EXOSC7: variants seen among roughly 807,000 people sequenced by gnomAD.
The protein encoded by EXOSC7 is exosome component 7.
Under a neutral mutation model 34.3 loss-of-function variants are expected in EXOSC7, and 25 were observed. The observed-to-expected ratio is 0.73, with a 90% CI of 0.53 to 1.02. EXOSC7 has a LOEUF of 1.02. EXOSC7 is among the 50% of genes least tolerant of loss of function. The pLI, the probability that EXOSC7 is intolerant of heterozygous loss-of-function variation, is 0.00. For synonymous variants in EXOSC7, 130 were observed against 143.0 expected (o/e 0.91, Z 0.65); for missense variants, 370 against 368.5 (o/e 1.00, Z -0.03).
intron 1 of EXOSC7, chr3:44,977,140 T>C (rs999551040): frequency 1.3e-5 from 2 of 152,248 alleles, no homozygotes; most frequent in African/African-American, 2.4e-5. Flanking sequence ...CTGTGTTCTA[T>C]ATTAAATCCC....
intron 4 of EXOSC7, among the ~76,000 whole-genome samples, chr3:44,998,844 A>C (rs1448044125): frequency 1.3e-5 from 2 of 152,154 alleles, no homozygotes; most frequent in Admixed American, 1.3e-4. Context: ...TGGGTTTGAG[A>C]AGGTGGGACC....
At chr3:45,003,738 C>G (rs1706950645) in intron 5 of EXOSC7, among the ~76,000 whole-genome samples, 1 of 152,198 alleles carries the variant, frequency 6.6e-6, no homozygotes. Flanking sequence ...CCAGAAGCAT[C>G]CCACACCTTC....
intron 1 of EXOSC7, among the ~76,000 whole-genome samples, chr3:44,988,847 A>G (rs940894187): frequency 6.6e-6 from 1 of 152,152 alleles, no homozygotes; most frequent in Non-Finnish European, 1.5e-5. Context: ...TGCATATTCT[A>G]TATAGTGGTA....
At chr3:45,000,333 C>T (rs1456017588) in intron 4 of EXOSC7, among the ~76,000 whole-genome samples, 9 of 152,224 alleles carry the variant, frequency 5.9e-5, no homozygotes, top group Non-Finnish European at 1.2e-4. Flanking sequence ...AACAAAACTA[C>T]AGAGTCCCAG....
chr3:45,008,904 G>A (rs536241909), intron 7 of EXOSC7, among the ~76,000 whole-genome samples: 1 of 152,338 alleles, frequency 6.6e-6, no homozygotes, highest in South Asian at 2.1e-4. Context: ...CGTACTATGT[G>A]CCAGATACTG....
chr3:44,987,671 T>G (rs1413150835), intron 1 of EXOSC7, among the ~76,000 whole-genome samples: 1 of 150,618 alleles, frequency 6.6e-6, no homozygotes, highest in African/African-American at 2.5e-5. Flanking sequence ...AACAGTATTT[T>G]GCCTGGATAC....
intron 1 of EXOSC7, among the ~76,000 whole-genome samples, chr3:44,979,947 G>A (rs1706230883): frequency 6.6e-6 from 1 of 152,080 alleles, no homozygotes. Context: ...AGCAGTATGG[G>A]GGGGGTTTCA....
intron 3 of EXOSC7, among the ~76,000 whole-genome samples, chr3:44,990,983 C>T (rs114120942): frequency 0.023 from 3,425 of 152,176 alleles, 82 homozygotes; most frequent in Middle Eastern, 0.075. Context: ...CCAGTCTGAA[C>T]TTCCATACAC....
chr3:44,998,287 C>T (rs929935119), intron 4 of EXOSC7, among the ~76,000 whole-genome samples: 10 of 152,198 alleles, frequency 6.6e-5, no homozygotes, highest in Admixed American at 5.2e-4. Flanking sequence ...CCACCTGCCT[C>T]GGCCTCCCAA....
At chr3:45,003,634 C>T (rs775259837) in intron 5 of EXOSC7, among the ~76,000 whole-genome samples, 1 of 152,114 alleles carries the variant, frequency 6.6e-6, no homozygotes, top group Non-Finnish European at 1.5e-5. Flanking sequence ...CCTCTTCCTT[C>T]CTGGCTCCTC....
At position 45,007,490 on chromosome 3, in the gene EXOSC7, C is replaced by T. The variant is rs773087468; in HGVS notation, c.686C>T (p.Ser229Leu). 1.2e-4 allele frequency: 192 copies of T among 1,613,988 alleles called. No individual in the cohort carries two copies. The highest frequency in any genetic ancestry group is 1.6e-4 in the Non-Finnish European group (185 of 1,180,008). ...TGCTCGCTGGCCAGCTTGCTGGTGT[C>T]GGTGACCAGCAAGGGAGTTGTGACG... The part of the protein sequence containing the change: ...EACSLASLLV[S>L]VTSKGVVTCM... The change falls in exon 7 of 8, where the codon TCG (serine) becomes TTG (leucine). Residue 229 changes from serine to leucine, a missense_variant. Ser to Leu is a moderately radical substitution (Grantham distance 145). Around this residue, in one of 3 missense-constraint regions of EXOSC7, gnomAD observed 255 missense variants for 246.4 expected, o/e 1.03. Coordinates refer to ENST00000265564, the MANE Select transcript of EXOSC7 (RefSeq NM_015004.4).
chr3:44,990,893 A>G (rs1026992879), intron 3 of EXOSC7, among the ~76,000 whole-genome samples: 2 of 152,244 alleles, frequency 1.3e-5, no homozygotes, highest in Non-Finnish European at 2.9e-5. Flanking sequence ...GACCCTTCTG[A>G]AAATAGCACC....
chr3:44,979,950 G>A (rs566197627), intron 1 of EXOSC7, among the ~76,000 whole-genome samples: 1 of 152,034 alleles, frequency 6.6e-6, no homozygotes. Context: ...AGTATGGGGG[G>A]GGTTTCAGGG....
intron 5 of EXOSC7, chr3:45,004,900 T>A (rs2125972449): frequency 6.1e-6 from 1 of 162,946 alleles, no homozygotes; most frequent in South Asian, 1.8e-4. Context: ...TTTTTCTCTT[T>A]CTGTATCCTG....
At chr3:44,995,041 G>A (rs1378816578) in intron 3 of EXOSC7, among the ~76,000 whole-genome samples, 1 of 152,154 alleles carries the variant, frequency 6.6e-6, no homozygotes, top group East Asian at 1.9e-4. Context: ...CTGGAGTGCA[G>A]TGGTGCGATC....
chr3:45,000,330 C>G (rs1021013105), intron 4 of EXOSC7, among the ~76,000 whole-genome samples: 17 of 152,346 alleles, frequency 1.1e-4, no homozygotes, highest in East Asian at 3.9e-4. Context: ...ATGAACAAAA[C>G]TACAGAGTCC....
chr3:44,978,087 A>G (rs2125959681), intron 1 of EXOSC7, among the ~76,000 whole-genome samples: 1 of 152,384 alleles, frequency 6.6e-6, no homozygotes, highest in South Asian at 2.1e-4. Flanking sequence ...AACAGAGAGT[A>G]AAAGTGAATA....
At chr3:45,006,779 T>C (rs1424211538) in intron 6 of EXOSC7, among the ~76,000 whole-genome samples, 4 of 151,912 alleles carry the variant, frequency 2.6e-5, no homozygotes, top group African/African-American at 7.3e-5. Flanking sequence ...CTAGGCTCAC[T>C]GCAACCTCTG....
intron 5 of EXOSC7, chr3:45,004,886 A>C (rs1706990023): frequency 1.3e-5 from 2 of 156,760 alleles, no homozygotes; most frequent in Non-Finnish European, 2.8e-5. Context: ...TTGAATATGT[A>C]ACTTTTTTCT....
Sources: allele counts gnomAD v4.1 joint callset (sites outside exome capture counted in the v4.1 genomes callset), GRCh38; gene constraint gnomAD v4.1.1; regional missense constraint gnomAD v4.1.1; transcripts MANE v1.5; gene names NCBI Gene and HGNC (gene_info 2026-07-23, HGNC 2026-07-21).